The following GDA variants were observed in gnomAD, a reference collection of about 807,000 sequenced individuals.
The protein encoded by GDA is cytoplasmic PSD-95 interactor.
GDA carries 18 observed loss-of-function variants against 59.6 expected under a neutral mutation model. That is an observed-to-expected ratio of 0.30 (90% CI 0.21 to 0.45). The LOEUF is 0.45. GDA is among the 20% of genes least tolerant of loss of function. GDA has a pLI of 1.00. For synonymous variants in GDA, 201 were observed against 201.1 expected (o/e 1.00, Z 0.00); for missense variants, 427 against 552.3 (o/e 0.77, Z 2.27).
chr9:72,187,298 G>C (rs1831977559), intron 1 of GDA, among the ~76,000 whole-genome samples: 1 of 152,202 alleles, frequency 6.6e-6, no homozygotes, highest in African/African-American at 2.4e-5. Flanking sequence ...CGTGAGGACA[G>C]AGCTCTCATA....
downstream of GDA, among the ~76,000 whole-genome samples, chr9:72,258,704 C>T (rs1437646356): frequency 1.3e-5 from 2 of 152,334 alleles, no homozygotes; most frequent in African/African-American, 4.8e-5. Flanking sequence ...CAAACACAAA[C>T]GGGTGGAGGA....
At chr9:72,121,069 A>C (rs149587590) in intron 1 of GDA, among the ~76,000 whole-genome samples, 86 of 152,340 alleles carry the variant, frequency 5.6e-4, no homozygotes, top group Non-Finnish European at 1.0e-3. Context: ...GAAGCATATA[A>C]ATAGCATTAA....
At chr9:72,192,119 T>C (rs1832622014) in intron 1 of GDA, among the ~76,000 whole-genome samples, 1 of 151,914 alleles carries the variant, frequency 6.6e-6, no homozygotes, top group Non-Finnish European at 1.5e-5. Context: ...TAGAAGCAAA[T>C]CTATGAGTTA....
Position 72,251,257 on chromosome 9 carries a change from A to T in GDA, c.*2915A>T, listed in dbSNP as rs568390854. The T allele has an allele frequency of 2.8e-4, 44 of 159,896 alleles. No homozygotes were observed. In the South Asian group the frequency reaches 3.2e-3, roughly 12 times the overall value. 9.9% of individuals were successfully genotyped at this position (159,896 alleles called of 1,614,324 possible). On this transcript the variant is annotated 3_prime_UTR_variant, in exon 14 of 14. Transcript: ENST00000358399. ...GTACCCTTCAATATCCCCATTGGCAACTGCAGCTGAGATCTTAGAGAGGAA... is the reference window on the plus strand; with the variant it reads ...GTACCCTTCAATATCCCCATTGGCATCTGCAGCTGAGATCTTAGAGAGGAA...
chr9:72,174,765 G>T (rs35540892), intron 1 of GDA, among the ~76,000 whole-genome samples: 6,623 of 150,662 alleles, frequency 0.044, 166 homozygotes, highest in Admixed American at 0.073. Context: ...TATATATAGA[G>T]AGAGAGAGAG....
At chr9:72,161,910 A>G (rs1438424619) in intron 1 of GDA, among the ~76,000 whole-genome samples, 3 of 152,250 alleles carry the variant, frequency 2.0e-5, no homozygotes, top group African/African-American at 4.8e-5. Flanking sequence ...GTTAATCAAC[A>G]TTCTCAGATG....
chr9:72,258,434 C>G (rs1840909164), downstream of GDA, among the ~76,000 whole-genome samples: 1 of 152,186 alleles, frequency 6.6e-6, no homozygotes, highest in Non-Finnish European at 1.5e-5. Flanking sequence ...GGACTGGAGA[C>G]CAATTGCAGG....
Position 72,164,528 on chromosome 9 carries a change from C to T in GDA, c.123+14846C>T, listed in dbSNP as rs534942235. Among the ~76,000 whole-genome samples, 20 of 152,168 alleles carry T rather than the reference C, an allele frequency of 1.3e-4. No individual in the cohort carries two copies. The East Asian group carries it at 3.5e-3, about 26-fold the overall frequency. On this transcript the variant is annotated intron_variant, in intron 1 of 13. Coordinates refer to ENST00000358399, the MANE Select transcript of GDA (RefSeq NM_004293.5). The stretch of plus-strand genomic sequence containing the variant: ...ATGCAGACAGTAATCACAGACAACT[C>T]TTTTGAGATTAAAAAAATGTGTAGT...
At chr9:72,238,274 G>T (rs1839240326) in intron 10 of GDA, among the ~76,000 whole-genome samples, 2 of 152,008 alleles carry the variant, frequency 1.3e-5, no homozygotes, top group African/African-American at 4.8e-5. Context: ...ATGCCCTTTT[G>T]GCCTCTGTTT....
chr9:72,115,606 G>T (rs991185662), intron 1 of GDA, among the ~76,000 whole-genome samples: 2 of 152,088 alleles, frequency 1.3e-5, no homozygotes, highest in African/African-American at 2.4e-5. Context: ...TAATTCATTT[G>T]GTCTAAAGTA....
At chr9:72,197,710 T>G (rs999229550) in intron 2 of GDA, among the ~76,000 whole-genome samples, 2 of 152,154 alleles carry the variant, frequency 1.3e-5, no homozygotes, top group African/African-American at 4.8e-5. Context: ...AAGACTGAAG[T>G]CTTTGAAGAA....
chr9:72,141,096 A>G (rs1826425714), intron 1 of GDA, among the ~76,000 whole-genome samples: 1 of 152,188 alleles, frequency 6.6e-6, no homozygotes, highest in Non-Finnish European at 1.5e-5. Flanking sequence ...CTGGAGTTTT[A>G]TTATATATAA....
At chr9:72,174,249 C>T (rs971403261) in intron 1 of GDA, among the ~76,000 whole-genome samples, 2 of 152,104 alleles carry the variant, frequency 1.3e-5, no homozygotes, top group Non-Finnish European at 2.9e-5. Context: ...GGCATGTCCA[C>T]CCTTGGGGAT....
At chr9:72,128,394 C>CT (rs1416751571) in intron 1 of GDA, among the ~76,000 whole-genome samples, 16 of 151,972 alleles carry the variant, frequency 1.1e-4, no homozygotes, top group Non-Finnish European at 2.1e-4. Flanking sequence ...GAAAAATTTT[C>CT]TTTACATTGG....
At chr9:72,147,233 G>A (rs1278734831), upstream of GDA, among the ~76,000 whole-genome samples, 4 of 152,080 alleles carry the variant, frequency 2.6e-5, no homozygotes, top group African/African-American at 2.4e-5. Flanking sequence ...TTTTGAGACC[G>A]AGTCTTGGTC....
intron 10 of GDA, among the ~76,000 whole-genome samples, chr9:72,232,592 TA>T (rs1838482257): frequency 6.6e-6 from 1 of 152,200 alleles, no homozygotes; most frequent in Admixed American, 6.5e-5. Flanking sequence ...TATAGTCAGT[TA>T]ATATGAAAAA....
intron 7 of GDA, among the ~76,000 whole-genome samples, chr9:72,223,995 C>G (rs1564119882): frequency 6.6e-6 from 1 of 152,124 alleles, no homozygotes; most frequent in South Asian, 2.1e-4. Flanking sequence ...ATTAACCGCT[C>G]TCACCTTCCC....
chr9:72,202,374 C>T (rs974719756), intron 2 of GDA, among the ~76,000 whole-genome samples, 197 bp from the exon 3 acceptor site: 1 of 152,172 alleles, frequency 6.6e-6, no homozygotes, highest in Non-Finnish European at 1.5e-5. Context: ...AACCTAGAAG[C>T]TATATCTCTC....
In GDA at chr9:72,210,903, G is replaced by A. The variant is rs1018131739; in HGVS notation, c.472+129G>A. The A allele has an allele frequency of 7.2e-5, 46 of 638,032 alleles. No homozygotes were observed. The Admixed American group carries it at 9.5e-4, about 13-fold the overall frequency. The allele number at this position is 638,032 out of a possible 1,614,324, so 39.5% of individuals were successfully genotyped here. A position where few individuals can be genotyped will look rare whatever the true frequency, so the allele number is the denominator to read the frequency against. ...CTAGAACATGAGCATTACATTTTTT[G>A]CAAGTAATTACGTGTCTATATGTCA... On this transcript the variant is annotated intron_variant, in intron 4 of 13. Coordinates refer to ENST00000358399, the MANE Select transcript of GDA (RefSeq NM_004293.5).
Sources: allele counts gnomAD v4.1 joint callset (sites outside exome capture counted in the v4.1 genomes callset), GRCh38; gene constraint gnomAD v4.1.1; transcripts MANE v1.5; gene names NCBI Gene and HGNC (gene_info 2026-07-23, HGNC 2026-07-21).